Variants in MORN1 observed in about 807,000 individuals in gnomAD.
The protein encoded by MORN1 is MORN repeat-containing protein 1.
In MORN1, 67 loss-of-function variants were observed where a neutral mutation model predicts 61.9. The observed-to-expected ratio is 1.08, with a 90% CI of 0.89 to 1.33. MORN1 has a LOEUF of 1.33. MORN1 is among the 40% of genes most tolerant of loss of function. The pLI is 0.00. For synonymous variants in MORN1, 301 were observed against 292.0 expected, an observed-to-expected ratio of 1.03 and a Z score of -0.31; for missense variants, 752 against 691.2, an observed-to-expected ratio of 1.09 and a Z score of -0.99.
Position 2,385,610 on chromosome 1 carries a change from A to G in MORN1, c.449+197T>C, listed in dbSNP as rs368310496. On this transcript the variant is annotated intron_variant, in intron 5 of 13. Transcript: ENST00000378531. The stretch of plus-strand genomic sequence containing the variant: ...TGGTCAATTTCAATAAACAAGGGGA[A>G]AATTACAGAATAACACCGAAACCAC... The G allele has an allele frequency of 2.0e-5, 10 of 505,332 alleles. No homozygotes were observed. The East Asian group carries it at 3.0e-4, about 15-fold the overall frequency. The allele number at this position is 505,332 out of a possible 1,614,324, so 31.3% of individuals were successfully genotyped here. A position where few individuals can be genotyped will look rare whatever the true frequency, so the allele number is the denominator to read the frequency against.
intron 10 of MORN1, among the ~76,000 whole-genome samples, chr1:2,346,095 C>T (rs1337182049): frequency 6.6e-6 from 1 of 151,756 alleles, no homozygotes; most frequent in Non-Finnish European, 1.5e-5. Context: ...GACAAAGCCA[C>T]CAGGAACCTT....
chr1:2,380,074 G>A (rs2100355931), intron 6 of MORN1, among the ~76,000 whole-genome samples: 1 of 152,328 alleles, frequency 6.6e-6, no homozygotes, highest in African/African-American at 2.4e-5. Flanking sequence ...CAAGGAAGGA[G>A]GAGCTGGCAC....
intron 10 of MORN1, chr1:2,355,562 C>T: frequency 1.5e-6 from 2 of 1,378,680 alleles, no homozygotes; most frequent in South Asian, 2.5e-5. Flanking sequence ...GGAGGTGGCC[C>T]TGGTGGCGGA....
intron 2 of MORN1, 96 bp from the exon 3 acceptor site, chr1:2,388,433 T>G: frequency 1.0e-6 from 1 of 953,672 alleles, no homozygotes; most frequent in Non-Finnish European, 1.7e-6. Flanking sequence ...AACCAAGAGC[T>G]TGGCTTCAAA....
At chr1:2,391,118 C>G (rs1427610870) in intron 1 of MORN1, among the ~76,000 whole-genome samples, 1 of 152,348 alleles carries the variant, frequency 6.6e-6, no homozygotes, top group East Asian at 1.9e-4. Flanking sequence ...TGCCCTCGCC[C>G]CAAGTCCTGG....
intron 7 of MORN1, among the ~76,000 whole-genome samples, chr1:2,373,730 C>T (rs1642174490): frequency 6.6e-6 from 1 of 152,218 alleles, no homozygotes; most frequent in Admixed American, 6.5e-5. Flanking sequence ...CCACTCCTGC[C>T]TTCCCGAAGA....
At position 2,348,727 on chromosome 1, in the gene MORN1, A is replaced by ACGCACACG. The variant is rs1553212661; in HGVS notation, c.1036+8704_1036+8705insCGTGTGCG. Reference sequence around the variant, plus strand: ...CACACGCACACCTGCGCGGGCACGCACACGCACACCTGCGCGGGCACGCAC... The same window carrying ACGCACACG: ...CACACGCACACCTGCGCGGGCACGCACGCACACGCACGCACACCTGCGCGGGCACGCAC... On this transcript the variant is annotated intron_variant, in intron 10 of 13. Transcript: ENST00000378531. Among the ~76,000 whole-genome samples, 73 of 143,984 alleles carry ACGCACACG rather than the reference A, an allele frequency of 5.1e-4. 1 individual carries two copies. The highest frequency in any genetic ancestry group is 1.7e-3 in the African/African-American group (65 of 38,268). The allele number at this position is 143,984 out of a possible 152,430, so 94.5% of individuals were successfully genotyped here. A position where few individuals can be genotyped will look rare whatever the true frequency, so the allele number is the denominator to read the frequency against.
chr1:2,322,227 G>A, intron 13 of MORN1: 5 of 985,396 alleles, frequency 5.1e-6, no homozygotes, highest in Non-Finnish European at 6.0e-6. Flanking sequence ...AAGAAAATAA[G>A]AAATAACAAA....
chr1:2,348,516 G>C (rs1032566469), intron 10 of MORN1, among the ~76,000 whole-genome samples: 8 of 152,166 alleles, frequency 5.3e-5, no homozygotes, highest in African/African-American at 1.9e-4. Flanking sequence ...CGCGCACCTG[G>C]GTACTGTGTC....
At chr1:2,363,805 C>CAAACAAA (rs140866260) in intron 8 of MORN1, among the ~76,000 whole-genome samples, 10,532 of 123,622 alleles carry the variant, frequency 0.085, 455 homozygotes, top group East Asian at 0.1. Flanking sequence ...AACAAACAAA[C>CAAACAAA]AAAAAAATAT....
chr1:2,374,487 C>T lies in MORN1; in HGVS notation c.608G>A (p.Gly203Glu), dbSNP rs1403291286. 3 of 1,601,928 alleles carry T rather than the reference C, an allele frequency of 1.9e-6. No individual in the cohort carries two copies. The highest frequency in any genetic ancestry group is 2.6e-6 in the Non-Finnish European group (3 of 1,175,062). Residue 203 changes from glycine to glutamate, a missense_variant, in exon 7 of 14, where the codon GGG becomes GAG. Physicochemically the swap from Gly to Glu is moderately conservative, Grantham distance 98. Coordinates refer to ENST00000378531, the MANE Select transcript of MORN1 (RefSeq NM_024848.3). ...TGCTGGGTGGCCATTGATCCACAAC[C>T]CATAATAGGTGACCCCTGAGCAGTG... Reference protein sequence around the residue: ...MAHCSGVTYYGLWINGHPAEQ... With the variant: ...MAHCSGVTYYELWINGHPAEQ...
intron 8 of MORN1, among the ~76,000 whole-genome samples, chr1:2,370,008 G>T (rs1642079748): frequency 6.6e-6 from 1 of 152,150 alleles, no homozygotes; most frequent in Admixed American, 6.6e-5. Context: ...ATTTTATACA[G>T]AAATGTAAAG....
chr1:2,370,520 T>C (rs1642091679), intron 8 of MORN1, among the ~76,000 whole-genome samples: 1 of 152,146 alleles, frequency 6.6e-6, no homozygotes, highest in Non-Finnish European at 1.5e-5. Flanking sequence ...ACTTTTGCTG[T>C]TCCAAAGATA....
At chr1:2,354,429 C>G (rs1002872588) in intron 10 of MORN1, among the ~76,000 whole-genome samples, 1 of 151,710 alleles carries the variant, frequency 6.6e-6, no homozygotes, top group Non-Finnish European at 1.5e-5. Flanking sequence ...TAGCCGGGCA[C>G]GGTGGCTCGT....
chr1:2,387,381 C>T, intron 4 of MORN1, 38 bp downstream of exon 4: 12 of 1,494,456 alleles, frequency 8.0e-6, no homozygotes, highest in Non-Finnish European at 9.3e-6. Context: ...CCTGAAAGCG[C>T]CCACCCTCAC....
intron 6 of MORN1, among the ~76,000 whole-genome samples, chr1:2,380,006 G>C (rs889114722): frequency 1.3e-5 from 2 of 152,248 alleles, no homozygotes; most frequent in African/African-American, 4.8e-5. Context: ...GGGCAGAGAA[G>C]CGTGTCTGTC....
At chr1:2,347,730 G>A (rs919383449) in intron 10 of MORN1, among the ~76,000 whole-genome samples, 2 of 152,162 alleles carry the variant, frequency 1.3e-5, no homozygotes, top group African/African-American at 4.8e-5. Flanking sequence ...TGGACTGCAC[G>A]GCTGCTGCAG....
intron 2 of MORN1, 132 bp from the exon 3 acceptor site, chr1:2,388,469 G>A (rs562059050): frequency 9.3e-5 from 62 of 664,724 alleles, no homozygotes; most frequent in African/African-American, 8.6e-4. Context: ...CATCACTCAT[G>A]CTATACATGT....
intron 6 of MORN1, among the ~76,000 whole-genome samples, chr1:2,380,021 C>A (rs548114624): frequency 1.3e-5 from 2 of 152,160 alleles, no homozygotes; most frequent in Non-Finnish European, 1.5e-5. Flanking sequence ...TCTGTCCACA[C>A]GGGGTGGTGG....
Sources: gnomAD v4.1 joint callset for allele counts (sites outside exome capture counted in the v4.1 genomes callset) on GRCh38, gnomAD v4.1.1 for gene constraint, MANE v1.5 for transcripts, NCBI Gene and HGNC (gene_info 2026-07-23, HGNC 2026-07-21) for gene names.